The following SNPH variants were observed in gnomAD, a reference collection of about 807,000 sequenced individuals.
SNPH encodes the protein syntaphilin.
In SNPH, 10 loss-of-function variants were observed where a neutral mutation model predicts 36.8. That is an observed-to-expected ratio of 0.27 (90% CI 0.17 to 0.46). SNPH has a LOEUF of 0.46. SNPH is among the 20% of genes least tolerant of loss of function. The pLI is 1.00. For missense variants in SNPH, 622 were observed against 744.0 expected, an observed-to-expected ratio of 0.84 and a Z score of 1.91; for synonymous variants, 281 against 312.2, an observed-to-expected ratio of 0.90 and a Z score of 1.05.
In SNPH at chr20:1,266,648, C is replaced by A; in HGVS notation, c.-599-6C>A. 1 of 1,487,616 alleles carries A rather than the reference C, an allele frequency of 6.7e-7. No individual in the cohort carries two copies. Among genetic ancestry groups the A allele is most frequent in the South Asian group, 1.3e-5 (1 of 77,154 alleles). 92.2% of individuals were successfully genotyped at this position (1,487,616 alleles called of 1,614,324 possible). ...CCCGGTCTATCTCTTTTTCCTAACC[C>A]CGCAGGTCGCTGATCAGGGCCAGGC... On this transcript the variant is annotated splice_region_variant and splice_polypyrimidine_tract_variant and intron_variant, in intron 1 of 6. Transcript: ENST00000381867. This position sits in a 1 kb window ranked among gnomAD's most constrained non-coding sequence, Gnocchi z 6.0.
chr20:1,304,933 A>G lies in SNPH; in HGVS notation c.496A>G (p.Ile166Val). 1 of 1,613,576 alleles carries G rather than the reference A, an allele frequency of 6.2e-7. No individual in the cohort carries two copies. Among genetic ancestry groups the G allele is most frequent in the Non-Finnish European group, 8.5e-7 (1 of 1,180,006 alleles). Residue 166 changes from isoleucine (I) to valine (V), a missense_variant, in exon 7 of 7, where the codon ATT (isoleucine) becomes GTT (valine). Transcript: ENST00000381867. This position sits in a 1 kb window ranked among gnomAD's most constrained non-coding sequence, Gnocchi z 4.3. ...TQLSRMQEDW[I>V]EEECHRVEAQ... ...GCTGTCACGCATGCAGGAGGACTGG[A>G]TTGAGGAGGAGTGCCACCGCGTGGA...
intron 2 of SNPH, among the ~76,000 whole-genome samples, chr20:1,279,235 TA>T (rs1326416676): frequency 2.0e-5 from 3 of 152,234 alleles, no homozygotes; most frequent in Non-Finnish European, 4.4e-5. Context: ...ATGGTATGGT[TA>T]GTCTTTTAAA....
In SNPH at chr20:1,306,041, G is replaced by A. The variant is rs200425562; in HGVS notation, c.1604G>A (p.Gly535Asp). 65 of 1,468,638 alleles carry A rather than the reference G, an allele frequency of 4.4e-5. No individual in the cohort carries two copies. The African/African-American group carries it at 7.4e-4, about 17-fold the overall frequency. 91.0% of individuals were successfully genotyped at this position (1,468,638 alleles called of 1,614,324 possible). Residue 535 changes from glycine (G) to aspartate (D), a missense_variant, in exon 7 of 7, where the codon GGC (glycine) becomes GAC (aspartate). Gly to Asp is a moderately conservative substitution (Grantham distance 94). Transcript: ENST00000381867. ...CCGAGTCCCAGCCCAGCGGGCGGCG[G>A]CTCCCAGCTCTGAGGGGGCCCATTC... ...SQPSPSPAGG[G>D]SQL
intron 6 of SNPH, among the ~76,000 whole-genome samples, chr20:1,301,632 T>G (rs2122436435): frequency 6.7e-6 from 1 of 149,746 alleles, no homozygotes; most frequent in African/African-American, 2.5e-5. Context: ...TACCACTATC[T>G]AATTTCATAA....
intron 2 of SNPH, among the ~76,000 whole-genome samples, chr20:1,281,150 C>T (rs546349946): frequency 3.2e-4 from 49 of 152,290 alleles, no homozygotes; most frequent in Admixed American, 2.2e-3. Flanking sequence ...CTTCCCTTTC[C>T]GTCATTCCCT....
intron 2 of SNPH, among the ~76,000 whole-genome samples, chr20:1,270,298 C>A (rs1325664832): frequency 6.6e-6 from 1 of 151,686 alleles, no homozygotes; most frequent in Non-Finnish European, 1.5e-5. Context: ...GGGAGACAGA[C>A]ACCTAAACGT....
intron 2 of SNPH, among the ~76,000 whole-genome samples, chr20:1,270,753 T>A (rs1190440069): frequency 6.6e-6 from 1 of 152,230 alleles, no homozygotes; most frequent in Non-Finnish European, 1.5e-5. Flanking sequence ...TGGGGAATTC[T>A]TCTTCATGTC....
At chr20:1,278,174 G>A (rs1219319271) in intron 2 of SNPH, among the ~76,000 whole-genome samples, 3 of 146,440 alleles carry the variant, frequency 2.0e-5, no homozygotes, top group Non-Finnish European at 4.6e-5. Flanking sequence ...CGGTGTGTCT[G>A]TGTGTGTGTA....
rs755495762 is a variant in SNPH at position 1,290,104 on chromosome 20, C to T, written c.-492-4847C>T. Among the ~76,000 whole-genome samples the T allele has an allele frequency of 4.6e-5, 7 of 151,328 alleles. No individual in the cohort carries two copies. The East Asian group carries it at 9.7e-4, about 21-fold the overall frequency. ...GTGCGTGCCTGTAATCCCAGCTACT[C>T]GATAGGGTGAGTCATGAGAATCACT... On this transcript the variant is annotated intron_variant, in intron 2 of 6. Coordinates refer to ENST00000381867, the MANE Select transcript of SNPH (RefSeq NM_001318234.2).
intron 5 of SNPH, among the ~76,000 whole-genome samples, chr20:1,297,952 A>G (rs1043006431): frequency 6.6e-6 from 1 of 152,238 alleles, no homozygotes; most frequent in African/African-American, 2.4e-5. Flanking sequence ...TTACGAATGC[A>G]GCAGATGCCA....
At chr20:1,275,923 C>T (rs1182463105) in intron 2 of SNPH, among the ~76,000 whole-genome samples, 2 of 152,226 alleles carry the variant, frequency 1.3e-5, no homozygotes, top group African/African-American at 4.8e-5. Flanking sequence ...AAATTTTCTT[C>T]CTACTACTAC....
At chr20:1,296,498 CA>C in intron 4 of SNPH, 77 bp downstream of exon 4, 1 of 1,271,816 alleles carries the variant, frequency 7.9e-7, no homozygotes, top group South Asian at 1.4e-5. Context: ...TACCTGCCAC[CA>C]ACTTGCAGTA....
intron 2 of SNPH, among the ~76,000 whole-genome samples, chr20:1,286,089 TA>T (rs11475556): frequency 0.23 from 23,529 of 100,466 alleles, 2,262 homozygotes; most frequent in African/African-American, 0.3. Flanking sequence ...GACTCCATCT[TA>T]AAAAAAAAAA....
Position 1,297,173 on chromosome 20 carries a change from G to A in SNPH, c.211G>A (p.Asp71Asn). The A allele has an allele frequency of 6.2e-7, 1 of 1,613,694 alleles. No individual in the cohort carries two copies. Among genetic ancestry groups the A allele is most frequent in the Non-Finnish European group, 8.5e-7 (1 of 1,179,908 alleles). The part of the protein sequence containing the change: ...RRTSPPVSVR[D>N]AYGTSSLSSS... ...CACCTCTCCACCTGTGAGCGTGCGG[G>A]ATGCCTACGGCACCTCTTCGCTCAG... The change falls in exon 5 of 7, where the codon GAT becomes AAT. Residue 71 changes from aspartate (D) to asparagine (N), a missense_variant. Transcript: ENST00000381867.
chr20:1,300,437 G>A, intron 5 of SNPH, 125 bp from the exon 6 acceptor site: 1 of 973,760 alleles, frequency 1.0e-6, no homozygotes, highest in South Asian at 1.5e-5. Flanking sequence ...TGTGTGGGAG[G>A]CCTGGCTTGG....
chr20:1,270,381 A>C (rs1039695669), intron 2 of SNPH, among the ~76,000 whole-genome samples: 5 of 151,566 alleles, frequency 3.3e-5, no homozygotes, highest in African/African-American at 9.7e-5. Context: ...GGACAGAGAG[A>C]GGGGAATGAT....
At chr20:1,299,874 C>T (rs1454750857) in intron 5 of SNPH, among the ~76,000 whole-genome samples, 1 of 152,188 alleles carries the variant, frequency 6.6e-6, no homozygotes, top group Non-Finnish European at 1.5e-5. Context: ...TGCTCACCCA[C>T]GTGTACGCAG....
chr20:1,305,963 G>A lies in SNPH; in HGVS notation c.1526G>A (p.Cys509Tyr). Residue 509 changes from cysteine to tyrosine, a missense_variant, in exon 7 of 7, where the codon TGC becomes TAC. Cys to Tyr is a radical substitution (Grantham distance 194, BLOSUM62 -2). Transcript: ENST00000381867. ...YNISSLLRGC[C>Y]TVALHSIRRI... ...ATCAGCTCCCTGCTGCGGGGCTGCT[G>A]CACTGTGGCCTTGCACTCCATCCGC... is the stretch of plus-strand genomic sequence containing the variant. 5 of 1,563,018 alleles carry A rather than the reference G, an allele frequency of 3.2e-6. No homozygotes were observed. Among genetic ancestry groups the A allele is most frequent in the Non-Finnish European group, 4.3e-6 (5 of 1,154,776 alleles).
chr20:1,271,183 G>A (rs1331803045), intron 2 of SNPH, among the ~76,000 whole-genome samples: 1 of 152,230 alleles, frequency 6.6e-6, no homozygotes, highest in South Asian at 2.1e-4. Context: ...GGAGTCAGTA[G>A]ACTTGGGTCC....
Sources: allele counts gnomAD v4.1 joint callset (sites outside exome capture counted in the v4.1 genomes callset), GRCh38; gene constraint gnomAD v4.1.1; non-coding constraint Gnocchi (gnomAD v3.1); transcripts MANE v1.5; gene names NCBI Gene and HGNC (gene_info 2026-07-23, HGNC 2026-07-21).